Variants in ANKS1B observed in about 807,000 individuals in gnomAD.
ANKS1B encodes the protein ankyrin repeat and sterile alpha motif domain-containing protein 1B.
ANKS1B carries 36 observed loss-of-function variants against 148.3 expected under a neutral mutation model. The observed-to-expected ratio is 0.24, with a 90% CI of 0.19 to 0.32. The LOEUF is 0.32. ANKS1B is among the 10% of genes least tolerant of loss of function. The pLI, the probability that ANKS1B is intolerant of heterozygous loss-of-function variation, is 1.00. For synonymous variants in ANKS1B, 542 were observed against 560.8 expected (o/e 0.97, Z 0.47); for missense variants, 1,157 against 1,542.6 (o/e 0.75, Z 4.19).
In ANKS1B at chr12:98,760,175, G is replaced by A. The variant is rs527821469; in HGVS notation, c.3580-8653C>T. Reference sequence around the variant, plus strand: ...TTGTATTTTGGAACTTTATTTAAATGAGGATTAATGATGTTTACAGTCATA... The same window carrying A: ...TTGTATTTTGGAACTTTATTTAAATAAGGATTAATGATGTTTACAGTCATA... On this transcript the variant is annotated intron_variant, in intron 25 of 26. Coordinates refer to ENST00000683438, the MANE Select transcript of ANKS1B (RefSeq NM_001352186.2). Among the ~76,000 whole-genome samples the A allele has an allele frequency of 1.2e-4, 19 of 152,242 alleles. No individual in the cohort carries two copies. In the East Asian group the frequency reaches 2.7e-3, roughly 22 times the overall value.
chr12:99,224,691 C>G (rs1268390738), intron 14 of ANKS1B, among the ~76,000 whole-genome samples: 1 of 152,112 alleles, frequency 6.6e-6, no homozygotes, highest in African/African-American at 2.4e-5. Flanking sequence ...TCAGGTATTT[C>G]TTTATAGCAG....
chr12:99,403,081 A>C (rs2094446736), intron 11 of ANKS1B, among the ~76,000 whole-genome samples: 1 of 141,800 alleles, frequency 7.1e-6, no homozygotes, highest in Non-Finnish European at 1.5e-5. Context: ...ATGATGTAGC[A>C]CTTTTTTTCA....
chr12:99,811,417 A>G (rs1002100401), intron 3 of ANKS1B, among the ~76,000 whole-genome samples: 1 of 151,908 alleles, frequency 6.6e-6, no homozygotes, highest in Admixed American at 6.6e-5. Context: ...AAATGGGAAC[A>G]GTAGGGGGCA....
chr12:99,790,470 C>A (rs75940247), intron 4 of ANKS1B, among the ~76,000 whole-genome samples: 3,989 of 151,924 alleles, frequency 0.026, 179 homozygotes, highest in African/African-American at 0.091. Flanking sequence ...CCAGAATAAC[C>A]CTGTAATTAC....
intron 1 of ANKS1B, among the ~76,000 whole-genome samples, chr12:99,833,033 A>T: frequency 6.6e-6 from 1 of 152,224 alleles, no homozygotes; most frequent in Admixed American, 6.5e-5. Context: ...GAAAGTTACT[A>T]TTACTATTCC....
In ANKS1B at chr12:99,984,645, G is replaced by T; in HGVS notation, c.-408C>A. 6.4e-6 allele frequency: 1 copy of T among 155,552 alleles called. No individual in the cohort carries two copies. Among genetic ancestry groups the T allele is most frequent in the South Asian group, 1.8e-4 (1 of 5,570 alleles). 9.6% of individuals were successfully genotyped at this position (155,552 alleles called of 1,614,324 possible). A position where few individuals can be genotyped will look rare whatever the true frequency, so the allele number is the denominator to read the frequency against. On this transcript the variant is annotated 5_prime_UTR_variant, in exon 1 of 27. Coordinates refer to ENST00000683438, the MANE Select transcript of ANKS1B (RefSeq NM_001352186.2). ...CGGCAGAGAGAGTCCTAGCTGGAGC[G>T]GGAGCGCAGGGAACACCCGCGGTGG... is the stretch of plus-strand genomic sequence containing the variant.
chr12:98,930,653 T>C (rs2099812845), intron 17 of ANKS1B, among the ~76,000 whole-genome samples: 1 of 151,314 alleles, frequency 6.6e-6, no homozygotes, highest in Non-Finnish European at 1.5e-5. Flanking sequence ...GAAAACACTC[T>C]AATTGAAAAA....
intron 15 of ANKS1B, among the ~76,000 whole-genome samples, chr12:99,140,838 T>G (rs1460774450): frequency 2.6e-5 from 4 of 152,164 alleles, no homozygotes; most frequent in Non-Finnish European, 5.9e-5. Context: ...ATTCTCCTAG[T>G]AAACTCTCCT....
chr12:98,829,376 A>G lies in ANKS1B; in HGVS notation c.2887-23T>C. 2 of 1,608,290 alleles carry G rather than the reference A, an allele frequency of 1.2e-6. No individual in the cohort carries two copies. The highest frequency in any genetic ancestry group is 1.7e-6 in the Non-Finnish European group (2 of 1,176,312). On this transcript the variant is annotated intron_variant, in intron 18 of 26. Coordinates refer to ENST00000683438, the MANE Select transcript of ANKS1B (RefSeq NM_001352186.2). The surrounding 1 kb of genome is among the most constrained non-coding windows in gnomAD (Gnocchi z 5.2). ...TTCCTGAATGGAAATACATCATGAA[A>G]TAAATACCATGTTCTGTGGCTAACC...
In ANKS1B at chr12:98,744,907, A is replaced by G. The variant is rs1458195719; in HGVS notation, c.*832T>C. ...GCCTCCTGCTCTAGGGAGCATCACC[A>G]GTATTTTGCCACCACTGAGCCAGTC... On this transcript the variant is annotated 3_prime_UTR_variant, in exon 27 of 27. Transcript: ENST00000683438. 5.1e-6 allele frequency: 5 copies of G among 985,670 alleles called. No individual in the cohort carries two copies. The highest frequency in any genetic ancestry group is 6.0e-6 in the Non-Finnish European group (5 of 829,932). 61.1% of individuals were successfully genotyped at this position (985,670 alleles called of 1,614,324 possible). A position where few individuals can be genotyped will look rare whatever the true frequency, so the allele number is the denominator to read the frequency against.
intron 12 of ANKS1B, among the ~76,000 whole-genome samples, chr12:99,299,886 G>C (rs1041710469): frequency 3.9e-5 from 6 of 152,090 alleles, no homozygotes; most frequent in African/African-American, 1.2e-4. Context: ...TTGCTTTAAT[G>C]ATTTATTGCC....
At chr12:99,596,934 T>C (rs1161805886) in intron 9 of ANKS1B, among the ~76,000 whole-genome samples, 2 of 151,920 alleles carry the variant, frequency 1.3e-5, no homozygotes, top group African/African-American at 4.8e-5. Flanking sequence ...ATTCATTCCT[T>C]TTGAGTAGAT....
chr12:99,115,939 A>C (rs2061305654), intron 15 of ANKS1B, among the ~76,000 whole-genome samples: 2 of 151,490 alleles, frequency 1.3e-5, no homozygotes, highest in South Asian at 4.2e-4. Context: ...TCTCAAAAAA[A>C]AAAAAAAAAA....
chr12:99,863,619 G>A (rs1366878586), intron 1 of ANKS1B, among the ~76,000 whole-genome samples: 2 of 152,004 alleles, frequency 1.3e-5, no homozygotes, highest in African/African-American at 2.4e-5. Context: ...AGAGGCTGAG[G>A]CAAGAGAATT....
chr12:98,780,962 A>C (rs2098729180), intron 24 of ANKS1B, among the ~76,000 whole-genome samples, 155 bp downstream of exon 24: 1 of 152,072 alleles, frequency 6.6e-6, no homozygotes, highest in Non-Finnish European at 1.5e-5. Flanking sequence ...TGTGTACATG[A>C]GCGTGTATCT....
chr12:99,910,351 T>C (rs1343069575), intron 1 of ANKS1B, among the ~76,000 whole-genome samples: 2 of 45,086 alleles, frequency 4.4e-5, no homozygotes, highest in Non-Finnish European at 8.5e-5. Context: ...CAAGACTCCA[T>C]CTCAAAAAAA....
chr12:99,640,076 G>A (rs992949685), intron 9 of ANKS1B, among the ~76,000 whole-genome samples: 8 of 152,138 alleles, frequency 5.3e-5, no homozygotes, highest in African/African-American at 1.9e-4. Flanking sequence ...GGAGGCCGAG[G>A]CAGGCGAATT....
chr12:99,162,643 C>G (rs509885), intron 14 of ANKS1B, among the ~76,000 whole-genome samples: 9 of 152,220 alleles, frequency 5.9e-5, no homozygotes, highest in African/African-American at 2.2e-4. Flanking sequence ...AACACACACA[C>G]ACACACAAAG....
In ANKS1B at chr12:99,087,178, AAGTG is replaced by A. The variant is rs1195664946; in HGVS notation, c.2527-2159_2527-2156del. The stretch of plus-strand genomic sequence containing the variant: ...GGAAGAACAGCCCTGGTGGGGCGCA[AAGTG>A]AGACTAACATCTTTCCCTGGACAGG... On this transcript the variant is annotated intron_variant, in intron 15 of 26. Coordinates refer to ENST00000683438, the MANE Select transcript of ANKS1B (RefSeq NM_001352186.2). Among the ~76,000 whole-genome samples, 3 of 152,344 alleles carry A rather than the reference AAGTG, an allele frequency of 2.0e-5. No individual in the cohort carries two copies. In the East Asian group the frequency reaches 5.8e-4, roughly 29 times the overall value.
Sources: gnomAD v4.1 joint callset for allele counts (sites outside exome capture counted in the v4.1 genomes callset) on GRCh38, gnomAD v4.1.1 for gene constraint, Gnocchi (gnomAD v3.1) non-coding constraint, MANE v1.5 for transcripts, NCBI Gene and HGNC (gene_info 2026-07-23, HGNC 2026-07-21) for gene names.